The following DGKZ variants were observed in gnomAD, a reference collection of about 807,000 sequenced individuals.
DGKZ encodes diacylglycerol kinase zeta.
DGKZ carries 45 observed loss-of-function variants against 142.5 expected under a neutral mutation model. The ratio of observed to expected loss-of-function variants is 0.32; its 90% CI spans 0.25 to 0.40. The LOEUF (loss-of-function observed/expected upper bound fraction) is 0.40. Among genes scored for constraint, DGKZ ranks in the 10% least tolerant of loss-of-function variants. DGKZ has a pLI of 1.00. For missense variants in DGKZ, 755 were observed against 1,306.5 expected, an observed-to-expected ratio of 0.58 and a Z score of 6.51; for synonymous variants, 442 against 527.0, an observed-to-expected ratio of 0.84 and a Z score of 2.21.
chr11:46,367,771 G>A lies in DGKZ; in HGVS notation c.366+24G>A, dbSNP rs759356413. On this transcript the variant is annotated intron_variant, in intron 3 of 30. Coordinates refer to ENST00000527911, the Ensembl canonical transcript of DGKZ. This position sits in a 1 kb window ranked among gnomAD's most constrained non-coding sequence, Gnocchi z 4.1. ...TGGTGAGTGCTCGTAGGGGCACGCCGCCCCCTGCTGGTGGAGCCAGTAGCC... is the reference window on the plus strand; with the variant it reads ...TGGTGAGTGCTCGTAGGGGCACGCCACCCCCTGCTGGTGGAGCCAGTAGCC... The A allele has an allele frequency of 6.2e-6, 10 of 1,610,880 alleles. No homozygotes were observed. The Admixed American group carries it at 1.3e-4, about 21-fold the overall frequency.
intron 27 of DGKZ, 65 bp from the exon 28 acceptor site, chr11:46,378,926 G>C: frequency 1.3e-6 from 2 of 1,498,088 alleles, no homozygotes; most frequent in South Asian, 2.6e-5. Context: ...GTGGGCCAGC[G>C]TGTGAGCTCA....
intron 1 of DGKZ, among the ~76,000 whole-genome samples, chr11:46,336,752 G>A (rs1029269770): frequency 1.3e-5 from 2 of 152,002 alleles, no homozygotes; most frequent in Admixed American, 6.6e-5. Context: ...ATGGGGTTTC[G>A]CCGTGTTGCC....
At chr11:46,375,806 G>A in intron 20 of DGKZ, 45 bp from the exon 21 acceptor site, 1 of 1,545,346 alleles carries the variant, frequency 6.5e-7, no homozygotes, top group Non-Finnish European at 8.7e-7. Flanking sequence ...GTGGCACCAA[G>A]GCAGGGCCCT....
intron 1 of DGKZ, chr11:46,365,910 T>C (rs559359694): frequency 7.0e-5 from 69 of 985,430 alleles, no homozygotes; most frequent in Non-Finnish European, 8.2e-5. Flanking sequence ...CTGTAGATTC[T>C]GGTGCCTGGA....
chr11:46,371,428 G>C, intron 7 of DGKZ, 44 bp downstream of exon 7: 1 of 1,610,200 alleles, frequency 6.2e-7, no homozygotes, highest in Non-Finnish European at 8.5e-7. Context: ...TGCACTGCTG[G>C]GTTTGGGTCC....
Position 46,367,476 on chromosome 11 carries a change from A to G in DGKZ, c.270+77A>G. On this transcript the variant is annotated intron_variant, in intron 2 of 30. Coordinates refer to ENST00000527911, the Ensembl canonical transcript of DGKZ. This position sits in a 1 kb window ranked among gnomAD's most constrained non-coding sequence, Gnocchi z 4.1. ...GCGCAGCTGGCGGGTGGAGGCACTAAAGGCAGCTGGGAGAGCCAAGCCTGG... is the reference window on the plus strand; with the variant it reads ...GCGCAGCTGGCGGGTGGAGGCACTAGAGGCAGCTGGGAGAGCCAAGCCTGG... 9 of 1,507,302 alleles carry G rather than the reference A, an allele frequency of 6.0e-6. No individual in the cohort carries two copies. Among genetic ancestry groups the G allele is most frequent in the Non-Finnish European group, 8.2e-6 (9 of 1,101,764 alleles). 93.4% of individuals were successfully genotyped at this position (1,507,302 alleles called of 1,614,324 possible). A position where few individuals can be genotyped will look rare whatever the true frequency, so the allele number is the denominator to read the frequency against.
intron 4 of DGKZ, chr11:46,369,248 T>A: frequency 1.7e-6 from 1 of 576,492 alleles, no homozygotes; most frequent in Non-Finnish European, 3.1e-6. Context: ...GACCCAAAGC[T>A]CCCAACCTCC....
At position 46,351,158 on chromosome 11, in the gene DGKZ, C is replaced by T. The variant is rs190339300; in HGVS notation, c.161+3338C>T. ...CCAGGACCCACCGGGAAGGAGGACC[C>T]GCTTATCCTCTGGCCTGGTCTCAGC... On this transcript the variant is annotated intron_variant, in intron 1 of 30. Coordinates refer to ENST00000527911, the Ensembl canonical transcript of DGKZ. Among the ~76,000 whole-genome samples the T allele has an allele frequency of 4.6e-5, 7 of 152,222 alleles. No individual in the cohort carries two copies. The South Asian group carries it at 8.3e-4, about 18-fold the overall frequency.
At chr11:46,366,583 G>C (rs756431768) in intron 1 of DGKZ, 1 of 1,607,502 alleles carries the variant, frequency 6.2e-7, no homozygotes, top group African/African-American at 1.3e-5. Context: ...CACCCCTGCT[G>C]TTGACCGGGC....
At position 46,367,353 on chromosome 11, in the gene DGKZ, C is replaced by T. The variant is rs749509532; in HGVS notation, c.224C>T (p.Pro75Leu). The T allele has an allele frequency of 1.9e-6, 3 of 1,613,164 alleles. No homozygotes were observed. The highest frequency in any genetic ancestry group is 8.5e-7 in the Non-Finnish European group (1 of 1,179,986). The change falls in exon 2 of 31, where the codon CCG (proline) becomes CTG (leucine). Residue 75 changes from proline to leucine, a missense_variant. Physicochemically the swap from Pro to Leu is moderately conservative, Grantham distance 98. Transcript: ENST00000527911. This position sits in a 1 kb window ranked among gnomAD's most constrained non-coding sequence, Gnocchi z 4.1. ...CCCCCTCCGCCCACCCCTGGGGCCC[C>T]GTGCAGCGAGTCAGAGCGGCAGATC... is the stretch of plus-strand genomic sequence containing the variant.
At chr11:46,333,074 G>A in exon 1 of DGKZ, 1 of 394,504 alleles carries the variant, frequency 2.5e-6, no homozygotes, top group Non-Finnish European at 4.3e-6. Context: ...GAGCGCAGGA[G>A]GACCCCGGCC....
exon 29 of DGKZ, chr11:46,379,226 G>A: frequency 6.2e-7 from 1 of 1,613,196 alleles, no homozygotes; most frequent in South Asian, 1.1e-5. Context: ...CCTTGATGCG[G>A]TGGAGGAAAA....
chr11:46,333,446 G>C, exon 1 of DGKZ: 9 of 1,535,622 alleles, frequency 5.9e-6, no homozygotes, highest in Non-Finnish European at 7.9e-6. Context: ...CGGTGGAGGA[G>C]CGTTTCCGCC....
chr11:46,366,404 C>T (rs907200840), intron 1 of DGKZ: 23 of 1,527,388 alleles, frequency 1.5e-5, no homozygotes, highest in East Asian at 4.8e-5. Context: ...GGCACAGCGG[C>T]GCCGCTCCAG....
intron 1 of DGKZ, among the ~76,000 whole-genome samples, chr11:46,357,058 G>C (rs1407853271): frequency 3.3e-5 from 5 of 152,186 alleles, no homozygotes; most frequent in Non-Finnish European, 7.3e-5. Flanking sequence ...GATGAATTCT[G>C]ATGGCAGCGG....
intron 1 of DGKZ, among the ~76,000 whole-genome samples, chr11:46,361,259 G>T (rs1439407441): frequency 6.6e-6 from 1 of 152,216 alleles, no homozygotes; most frequent in African/African-American, 2.4e-5. Context: ...GGGCATTAGT[G>T]GGGGGCCCCC....
chr11:46,332,977 G>C, exon 1 of DGKZ: 2 of 290,938 alleles, frequency 6.9e-6, no homozygotes, highest in Non-Finnish European at 1.3e-5. Context: ...CTCCGCCCGG[G>C]CTCCGGCTCC....
chr11:46,369,612 A>G (rs992647986), intron 5 of DGKZ, 62 bp downstream of exon 5: 14 of 1,602,082 alleles, frequency 8.7e-6, no homozygotes, highest in Non-Finnish European at 1.1e-5. Context: ...GCCTCTGCGC[A>G]GTGCCTCTGG....
At chr11:46,373,296 T>TG (rs1565069604) in intron 14 of DGKZ, among the ~76,000 whole-genome samples, 195 bp downstream of exon 14, 2 of 142,894 alleles carry the variant, frequency 1.4e-5, no homozygotes, top group Admixed American at 6.9e-5. Context: ...TTTTTTTTTT[T>TG]TTTTTTTTGA....
Sources: allele counts gnomAD v4.1 joint callset (sites outside exome capture counted in the v4.1 genomes callset), GRCh38; gene constraint gnomAD v4.1.1; non-coding constraint Gnocchi (gnomAD v3.1); transcripts MANE v1.5; gene names NCBI Gene and HGNC (gene_info 2026-07-23, HGNC 2026-07-21).